The following CDHR3 variants were observed in gnomAD, a reference collection of about 807,000 sequenced individuals.
The protein encoded by CDHR3 is cadherin related family member 3, also known as cadherin-related family member 3.
CDHR3 carries 79 observed loss-of-function variants against 86.6 expected under a neutral mutation model. That is an observed-to-expected ratio of 0.91 (90% CI 0.76 to 1.10). The LOEUF (loss-of-function observed/expected upper bound fraction) is 1.10, where lower values mean the gene tolerates loss of function less well. Ranked by LOEUF, CDHR3 falls within the 50% of genes least tolerant of loss-of-function variation. The pLI is 0.00. For synonymous variants in CDHR3, 421 were observed against 402.4 expected (o/e 1.05, Z -0.55); for missense variants, 1,081 against 1,077.6 (o/e 1.00, Z -0.04).
At chr7:106,013,389 G>T (rs943570857) in intron 9 of CDHR3, among the ~76,000 whole-genome samples, 2 of 152,154 alleles carry the variant, frequency 1.3e-5, no homozygotes, top group African/African-American at 4.8e-5. Flanking sequence ...TGAGGTGAGA[G>T]AAAGCAGGGC....
In CDHR3 at chr7:105,984,270, G is replaced by T. The variant is rs758492718; in HGVS notation, c.494G>T (p.Ser165Ile). 1.1e-4 allele frequency: 177 copies of T among 1,610,028 alleles called. No homozygotes were observed. The highest frequency in any genetic ancestry group is 1.4e-4 in the Non-Finnish European group (170 of 1,177,452). Residue 165 changes from serine to isoleucine, a missense_variant, in exon 4 of 19, where the codon AGC becomes ATC. By Grantham distance (142) the Ser-to-Ile change is moderately radical. Coordinates refer to ENST00000317716, the MANE Select transcript of CDHR3 (RefSeq NM_152750.5). ...GAGGCCTTCGATCCAGAAGACACAA[G>T]CCGAAACATTCCCCTCAGTGTAAGT... is the stretch of plus-strand genomic sequence containing the variant. ...QVEAFDPEDT[S>I]RNIPLSYFLI...
In CDHR3 at chr7:106,030,234, GGAAGA is replaced by G. The variant is rs1340736589; in HGVS notation, c.2305-554_2305-550del. ...GAGGGTGGCACCAAGGACAGATCAG[GGAAGA>G]GAAAAGACCTGGAGCACAGGGCTTA... On this transcript the variant is annotated intron_variant, in intron 17 of 18. Coordinates refer to ENST00000317716, the MANE Select transcript of CDHR3 (RefSeq NM_152750.5). The surrounding 1 kb of genome is among the most constrained non-coding windows in gnomAD (Gnocchi z 4.8). 1.4e-4 allele frequency among the ~76,000 whole-genome samples: 22 copies of G among 152,204 alleles called. No individual in the cohort carries two copies. Among genetic ancestry groups the G allele is most frequent in the Non-Finnish European group, 3.2e-4 (22 of 68,042 alleles).
At chr7:106,028,995 T>TCTTTCTTTCTTTCTTTCTTTC (rs71155497) in intron 17 of CDHR3, among the ~76,000 whole-genome samples, 1 of 148,924 alleles carries the variant, frequency 6.7e-6, no homozygotes. Context: ...TTTCTTTCTT[T>TCTTTCTTTCTTTCTTTCTTTC]TTAAGACACA....
chr7:106,015,852 T>G (rs772289063), intron 10 of CDHR3, 75 bp from the exon 11 acceptor site: 1 of 1,094,456 alleles, frequency 9.1e-7, no homozygotes, highest in Non-Finnish European at 1.4e-6. Flanking sequence ...ACACAGGAGA[T>G]TCTTTAAAGA....
intron 13 of CDHR3, 74 bp downstream of exon 13, chr7:106,020,618 C>T: frequency 6.7e-7 from 1 of 1,502,392 alleles, no homozygotes. Context: ...GGGGTCTGTG[C>T]TCACACACTG....
At chr7:106,008,557 C>T (rs910948854) in intron 8 of CDHR3, among the ~76,000 whole-genome samples, 8 of 152,168 alleles carry the variant, frequency 5.3e-5, no homozygotes, top group Non-Finnish European at 8.8e-5. Context: ...ACCCCAATAA[C>T]GTCAGTCACA....
intron 4 of CDHR3, among the ~76,000 whole-genome samples, chr7:105,989,378 G>A (rs1831018486): frequency 6.6e-6 from 1 of 151,550 alleles, no homozygotes; most frequent in African/African-American, 2.4e-5. Context: ...TCTCTCAGCT[G>A]GAGGCAAAAT....
chr7:105,980,549 G>A (rs1359315041), intron 2 of CDHR3, among the ~76,000 whole-genome samples: 1 of 140,960 alleles, frequency 7.1e-6, no homozygotes, highest in Non-Finnish European at 1.5e-5. Context: ...GGTAGTTAAA[G>A]GATTTTTCTA....
chr7:105,992,091 C>T (rs1382809088), intron 4 of CDHR3, among the ~76,000 whole-genome samples: 8 of 152,144 alleles, frequency 5.3e-5, no homozygotes, highest in Non-Finnish European at 1.2e-4. Context: ...TATGTATCCC[C>T]TTTGGAGCAC....
intron 1 of CDHR3, among the ~76,000 whole-genome samples, chr7:105,965,798 T>C (rs992415079): frequency 7.2e-5 from 11 of 152,248 alleles, no homozygotes; most frequent in Admixed American, 4.6e-4. Context: ...CAATAACAGA[T>C]TTCATATATC....
At position 106,022,492 on chromosome 7, in the gene CDHR3, G is replaced by A. The variant is rs754411547; in HGVS notation, c.2076+44G>A. 6 of 1,592,392 alleles carry A rather than the reference G, an allele frequency of 3.8e-6. No homozygotes were observed. In the East Asian group the frequency reaches 1.3e-4, roughly 36 times the overall value. ...GGAATCCCCAGGCACATTCCCTTGT[G>A]AGTTATGTTGATGGACTTCTTTCCC... is the stretch of plus-strand genomic sequence containing the variant. On this transcript the variant is annotated intron_variant, in intron 14 of 18. Transcript: ENST00000317716.
chr7:106,020,049 G>GTT (rs1491510230), intron 12 of CDHR3, among the ~76,000 whole-genome samples: 1 of 97,694 alleles, frequency 1.0e-5, no homozygotes, highest in Admixed American at 9.8e-5. Flanking sequence ...GTGTGTGTGT[G>GTT]GGGGGGGGGC....
rs759479762 is a variant in CDHR3 at position 106,015,106 on chromosome 7, T to C, written c.1225-5T>C. On this transcript the variant is annotated splice_polypyrimidine_tract_variant and splice_region_variant and intron_variant, in intron 9 of 18. Coordinates refer to ENST00000317716, the MANE Select transcript of CDHR3 (RefSeq NM_152750.5). The stretch of plus-strand genomic sequence containing the variant: ...GTATAATCTACTATCTCTGTTTTAA[T>C]CTAGCTGATTGGTGATCTAGACTAC... 4.4e-6 allele frequency: 7 copies of C among 1,593,018 alleles called. No individual in the cohort carries two copies. The African/African-American group carries it at 9.4e-5, about 21-fold the overall frequency.
At chr7:106,017,568 C>CACAG (rs1835842510) in intron 11 of CDHR3, among the ~76,000 whole-genome samples, 1 of 122,712 alleles carries the variant, frequency 8.1e-6, no homozygotes, top group Non-Finnish European at 1.7e-5. Flanking sequence ...CACACAGACA[C>CACAG]ACACACACAC....
rs181270608 is a variant in CDHR3, at chr7:105,971,066, G to A, written c.47-3778G>A. On this transcript the variant is annotated intron_variant, in intron 1 of 18. Transcript: ENST00000317716. ...TGAGGCAGGAGAATGGCGTGAACCC[G>A]GGAGGCAGAGCTTGCAGTGAGCCAA... 1.5e-3 allele frequency among the ~76,000 whole-genome samples: 224 copies of A among 151,770 alleles called. 1 individual carries two copies. Among genetic ancestry groups the A allele is most frequent in the Admixed American group, 4.6e-3 (70 of 15,250 alleles).
rs1828607030 is a variant in CDHR3, at chr7:105,975,163, G to A, written c.249+117G>A. 5.4e-6 allele frequency: 5 copies of A among 922,576 alleles called. 1 individual carries two copies. The highest frequency in any genetic ancestry group is 8.7e-6 in the Non-Finnish European group (5 of 577,778). The allele number at this position is 922,576 out of a possible 1,614,324, so 57.1% of individuals were successfully genotyped here. A position where few individuals can be genotyped will look rare whatever the true frequency, so the allele number is the denominator to read the frequency against. ...TCCATCTGGTTTAATCTTCCCTCTT[G>A]TAAGGTCCAGGAGTCCTGTCTGAGG... On this transcript the variant is annotated intron_variant, in intron 2 of 18. Coordinates refer to ENST00000317716, the MANE Select transcript of CDHR3 (RefSeq NM_152750.5).
chr7:106,026,799 T>G (rs978041989), intron 16 of CDHR3, 104 bp downstream of exon 16: 17 of 1,204,972 alleles, frequency 1.4e-5, no homozygotes, highest in Admixed American at 8.7e-5. Context: ...GATCACATCT[T>G]GGAGCATTTT....
Position 106,001,515 on chromosome 7 carries a change from C to A in CDHR3, c.767C>A (p.Ala256Asp). 1 of 1,614,004 alleles carries A rather than the reference C, an allele frequency of 6.2e-7. No individual in the cohort carries two copies. The change falls in exon 7 of 19, where the codon GCC becomes GAC. Residue 256 changes from alanine to aspartate, a missense_variant. By Grantham distance (126) the Ala-to-Asp change is moderately radical. Transcript: ENST00000317716. Reference sequence around the variant, plus strand: ...GAACTGAGTCCAGGAACCATCGTGGCCAATATCACAGCGGAGGATCCTGAT... The same window carrying A: ...GAACTGAGTCCAGGAACCATCGTGGACAATATCACAGCGGAGGATCCTGAT... ...LEELSPGTIV[A>D]NITAEDPDDE... is the part of the protein sequence containing the mutation.
intron 1 of CDHR3, among the ~76,000 whole-genome samples, chr7:105,969,148 G>A (rs1285140425): frequency 6.7e-6 from 1 of 150,352 alleles, no homozygotes; most frequent in Non-Finnish European, 1.5e-5. Flanking sequence ...TGTAATCCCA[G>A]CACTTTGGGA....
Sources: allele counts gnomAD v4.1 joint callset (sites outside exome capture counted in the v4.1 genomes callset), GRCh38; gene constraint gnomAD v4.1.1; non-coding constraint Gnocchi (gnomAD v3.1); transcripts MANE v1.5; gene names NCBI Gene and HGNC (gene_info 2026-07-23, HGNC 2026-07-21).